The following ANKRD36 variants were observed in gnomAD, a reference collection of about 807,000 sequenced individuals.
ANKRD36 encodes ankyrin repeat domain-containing protein 36A.
A neutral mutation model predicts 278.1 loss-of-function variants in ANKRD36; 179 were observed. That is an observed-to-expected ratio of 0.64 (90% confidence interval 0.57 to 0.73). The LOEUF (loss-of-function observed/expected upper bound fraction) is 0.73, where lower values mean the gene tolerates loss of function less well. Among genes scored for constraint, ANKRD36 ranks in the 30% least tolerant of loss-of-function variants. ANKRD36 has a pLI of 0.00. For synonymous variants in ANKRD36, 320 were observed against 641.1 expected, an observed-to-expected ratio of 0.50 and a Z score of 7.57; for missense variants, 1,159 against 1,956.7, an observed-to-expected ratio of 0.59 and a Z score of 7.69.
intron 3 of ANKRD36, among the ~76,000 whole-genome samples, 189 bp from the exon 4 acceptor site, chr2:97,122,698 A>G (rs570972823): frequency 6.6e-6 from 1 of 151,324 alleles, no homozygotes; most frequent in Non-Finnish European, 1.5e-5. Flanking sequence ...GTGGTGAGGC[A>G]GAGGAGGTTG....
At chr2:97,197,881 C>A (rs562987370) in intron 42 of ANKRD36, among the ~76,000 whole-genome samples, 296 of 151,862 alleles carry the variant, frequency 1.9e-3, no homozygotes, top group African/African-American at 7.0e-3. Context: ...TACTCCATAT[C>A]GGGGTGAGAG....
At chr2:97,197,615 A>G (rs2060139283) in intron 42 of ANKRD36, among the ~76,000 whole-genome samples, 1 of 151,944 alleles carries the variant, frequency 6.6e-6, no homozygotes, top group Non-Finnish European at 1.5e-5. Context: ...CAACAAGCCT[A>G]TTTTAGAAAG....
At chr2:97,175,672 G>A (rs2054025511) in intron 22 of ANKRD36, among the ~76,000 whole-genome samples, 2 of 151,060 alleles carry the variant, frequency 1.3e-5, no homozygotes, top group South Asian at 4.2e-4. Context: ...GCTAGCTTTT[G>A]AATGTGTTTG....
rs202209810 is a variant in ANKRD36, at chr2:97,187,349, C to T, written c.2091C>T (p.Asp697=). The T allele has an allele frequency of 2.3e-4, 377 of 1,608,280 alleles. No homozygotes were observed. The highest frequency in any genetic ancestry group is 2.7e-4 in the Non-Finnish European group (322 of 1,177,634). The stretch of plus-strand genomic sequence containing the variant: ...TTCAGGCTACAACTGACGAGGAAGA[C>T]TCTGTTTCGAATATAGCCACAGAAA... The part of the protein sequence containing the change: ...PALKATTDEE[D]SVSNIATEIK... Residue 697 remains aspartate, a synonymous_variant, in exon 32 of 76, where the codon GAC becomes GAT. Coordinates refer to ENST00000420699, the MANE Select transcript of ANKRD36 (RefSeq NM_001354587.1).
intron 66 of ANKRD36, among the ~76,000 whole-genome samples, chr2:97,223,098 CTTTTTTTTTT>C (rs58708702): frequency 8.1e-6 from 1 of 123,998 alleles, no homozygotes; most frequent in Non-Finnish European, 1.6e-5. Context: ...TTATTATACA[CTTTTTTTTTT>C]TTTTTTTTTT....
intron 67 of ANKRD36, among the ~76,000 whole-genome samples, chr2:97,229,766 T>C (rs566529621): frequency 6.6e-6 from 1 of 152,118 alleles, no homozygotes; most frequent in Non-Finnish European, 1.5e-5. Flanking sequence ...GATTTTGCAG[T>C]GGCTGGTACC....
intron 54 of ANKRD36, 96 bp downstream of exon 54, chr2:97,208,102 C>G (rs2063367320): frequency 3.3e-6 from 4 of 1,228,084 alleles, no homozygotes; most frequent in Non-Finnish European, 3.4e-6. Context: ...TGAAGCTGCA[C>G]ATTCTGATTC....
At chr2:97,124,881 A>G (rs2038106165) in intron 5 of ANKRD36, among the ~76,000 whole-genome samples, 1 of 151,860 alleles carries the variant, frequency 6.6e-6, no homozygotes, top group Admixed American at 6.6e-5. Context: ...TGTCCATTTT[A>G]TTTCTAGTAT....
chr2:97,174,753 A>T (rs375826878), intron 22 of ANKRD36, among the ~76,000 whole-genome samples: 1 of 151,798 alleles, frequency 6.6e-6, no homozygotes, highest in African/African-American at 2.4e-5. Context: ...TATGATATTG[A>T]CTGTGGGTTT....
chr2:97,151,082 G>C (rs1443579919), intron 12 of ANKRD36, among the ~76,000 whole-genome samples: 2 of 151,978 alleles, frequency 1.3e-5, no homozygotes, highest in Non-Finnish European at 2.9e-5. Context: ...TTTCTTTTAA[G>C]CGCATATTTG....
intron 14 of ANKRD36, among the ~76,000 whole-genome samples, 153 bp from the exon 15 acceptor site, chr2:97,154,522 C>T (rs1279251803): frequency 6.8e-6 from 1 of 146,360 alleles, no homozygotes; most frequent in Non-Finnish European, 1.5e-5. Context: ...TTAATTATAC[C>T]AAGAAATATT....
At chr2:97,222,098 G>A (rs572780805) in intron 66 of ANKRD36, among the ~76,000 whole-genome samples, 1 of 152,058 alleles carries the variant, frequency 6.6e-6, no homozygotes, top group East Asian at 2.0e-4. Flanking sequence ...TAGATATGTG[G>A]CATTATTTCT....
rs763385352 is a variant in ANKRD36 at position 97,240,982 on chromosome 2, G to GTTTTTTTTT, written c.4094-256_4094-248dup. Among the ~76,000 whole-genome samples the GTTTTTTTTT allele has an allele frequency of 2.5e-4, 13 of 53,000 alleles. 2 individuals are homozygous for GTTTTTTTTT. The highest frequency in any genetic ancestry group is 8.8e-4 in the East Asian group (1 of 1,130). The allele number at this position is 53,000 out of a possible 152,430, so 34.8% of individuals were successfully genotyped here. A position where few individuals can be genotyped will look rare whatever the true frequency, so the allele number is the denominator to read the frequency against. On this transcript the variant is annotated intron_variant, in intron 68 of 75. Coordinates refer to ENST00000420699, the MANE Select transcript of ANKRD36 (RefSeq NM_001354587.1). The stretch of plus-strand genomic sequence containing the variant: ...TTATCTTATGCAATCACATAACTAT[G>GTTTTTTTTT]TTTTTTTTTTTTTTTTTTTTTTTTT...
intron 67 of ANKRD36, among the ~76,000 whole-genome samples, chr2:97,225,222 A>G (rs1390822341): frequency 6.6e-6 from 1 of 151,292 alleles, no homozygotes; most frequent in African/African-American, 2.4e-5. Context: ...AACAGTGATG[A>G]CCACCGTACT....
intron 54 of ANKRD36, among the ~76,000 whole-genome samples, chr2:97,209,262 G>A (rs1266342234): frequency 1.4e-5 from 2 of 146,526 alleles, no homozygotes; most frequent in Non-Finnish European, 3.0e-5. Context: ...AGAGCATGAA[G>A]AATGTTTGTA....
intron 56 of ANKRD36, among the ~76,000 whole-genome samples, chr2:97,210,887 C>A (rs1426192045): frequency 8.6e-5 from 13 of 151,900 alleles, no homozygotes; most frequent in African/African-American, 3.1e-4. Context: ...TCCTTTGGTG[C>A]CATGAGTGGA....
intron 24 of ANKRD36, 21 bp downstream of exon 24, chr2:97,179,954 T>C (rs1449892462): frequency 2.5e-6 from 4 of 1,603,328 alleles, no homozygotes; most frequent in African/African-American, 1.3e-5. Context: ...AAAACACATC[T>C]AATGTCATGT....
At chr2:97,228,360 C>G (rs1369105583) in intron 67 of ANKRD36, among the ~76,000 whole-genome samples, 7 of 152,006 alleles carry the variant, frequency 4.6e-5, no homozygotes, top group African/African-American at 1.7e-4. Context: ...CTGGTTTAGT[C>G]TTGGGAGTGT....
intron 6 of ANKRD36, among the ~76,000 whole-genome samples, chr2:97,139,695 C>G (rs2042381013): frequency 6.6e-6 from 1 of 152,092 alleles, no homozygotes; most frequent in African/African-American, 2.4e-5. Context: ...TCCTAGCAAG[C>G]ATAGCTGTAT....
Sources: gnomAD v4.1 joint callset for allele counts (sites outside exome capture counted in the v4.1 genomes callset) on GRCh38, gnomAD v4.1.1 for gene constraint, MANE v1.5 for transcripts, NCBI Gene and HGNC (gene_info 2026-07-23, HGNC 2026-07-21) for gene names.